The following GALNT13 variants were observed in gnomAD, a reference collection of about 807,000 sequenced individuals.
The protein encoded by GALNT13 is polypeptide N-acetylgalactosaminyltransferase 13.
Under a neutral mutation model 64.2 loss-of-function variants are expected in GALNT13, and 28 were observed. The observed-to-expected ratio is 0.44, with a 90% CI of 0.32 to 0.60. The LOEUF is 0.60. GALNT13 is among the 20% of genes least tolerant of loss of function. The pLI is 0.05. For missense variants in GALNT13, 577 were observed against 669.8 expected, an observed-to-expected ratio of 0.86 and a Z score of 1.53; for synonymous variants, 214 against 224.6, an observed-to-expected ratio of 0.95 and a Z score of 0.42.
the GALNT13 span, among the ~76,000 whole-genome samples, chr2:153,815,419 G>A: frequency 1.3e-5 from 2 of 152,170 alleles, no homozygotes; most frequent in Non-Finnish European, 2.9e-5. Context: ...TTTGGGGGAT[G>A]TAAACTCACT....
chr2:153,244,301 AC>A, the GALNT13 span, among the ~76,000 whole-genome samples: 1 of 152,016 alleles, frequency 6.6e-6, no homozygotes, highest in Admixed American at 6.6e-5. Flanking sequence ...AGTGTTTTAA[AC>A]CTTTGATATC....
the GALNT13 span, among the ~76,000 whole-genome samples, chr2:153,107,775 G>T: frequency 0.037 from 5,652 of 152,184 alleles, 199 homozygotes; most frequent in East Asian, 0.18. Flanking sequence ...ATGCGTGTGG[G>T]TGGAGAGAAA....
At chr2:153,589,252 A>G in the GALNT13 span, among the ~76,000 whole-genome samples, 1 of 152,224 alleles carries the variant, frequency 6.6e-6, no homozygotes, top group Non-Finnish European at 1.5e-5. Context: ...TCTCTTTGCT[A>G]AAACATGAAC....
chr2:154,215,490 C>T (rs888581), intron 4 of GALNT13, among the ~76,000 whole-genome samples: 3 of 151,860 alleles, frequency 2.0e-5, no homozygotes, highest in Admixed American at 2.0e-4. Context: ...CCCTCCACCA[C>T]ATTTGTCCAC....
chr2:153,088,035 C>G, the GALNT13 span, among the ~76,000 whole-genome samples: 4 of 151,390 alleles, frequency 2.6e-5, no homozygotes, highest in African/African-American at 9.7e-5. Flanking sequence ...TCTTGTTTCT[C>G]TAGTTTTTTG....
At chr2:153,130,229 C>G in the GALNT13 span, among the ~76,000 whole-genome samples, 1 of 152,152 alleles carries the variant, frequency 6.6e-6, no homozygotes, top group Non-Finnish European at 1.5e-5. Flanking sequence ...ATTCTTAACA[C>G]AGTAGCAGCC....
intron 4 of GALNT13, among the ~76,000 whole-genome samples, chr2:154,221,473 G>A (rs1449572425): frequency 6.6e-6 from 1 of 152,014 alleles, no homozygotes. Flanking sequence ...TTGGCTTGAG[G>A]TTGATTTTGT....
the GALNT13 span, among the ~76,000 whole-genome samples, chr2:153,847,107 A>C: frequency 1.3e-4 from 20 of 152,068 alleles, no homozygotes; most frequent in Admixed American, 2.6e-4. Context: ...TAATATAGAA[A>C]AAAGCAGATT....
the GALNT13 span, among the ~76,000 whole-genome samples, chr2:153,122,859 GA>G: frequency 2.0e-5 from 3 of 152,052 alleles, no homozygotes; most frequent in African/African-American, 7.2e-5. Context: ...CCATAGCTGT[GA>G]ATGTGACTTA....
intron 8 of GALNT13, among the ~76,000 whole-genome samples, chr2:154,295,377 T>TTTATTTATTTATTTAG (rs1692863699): frequency 6.6e-6 from 1 of 151,014 alleles, no homozygotes; most frequent in Non-Finnish European, 1.5e-5. Context: ...TATTTATTTA[T>TTTATTTATTTATTTAG]TTTTGCGATG....
At chr2:153,500,697 T>G in the GALNT13 span, among the ~76,000 whole-genome samples, 1 of 152,178 alleles carries the variant, frequency 6.6e-6, no homozygotes, top group Non-Finnish European at 1.5e-5. Flanking sequence ...TATAGCTGAT[T>G]ATAAACTATC....
chr2:154,443,667 T>A (rs1701418780), intron 12 of GALNT13, among the ~76,000 whole-genome samples: 2 of 152,094 alleles, frequency 1.3e-5, no homozygotes, highest in Admixed American at 1.3e-4. Context: ...TTAATGGCTC[T>A]TATTTTGTCA....
the GALNT13 span, among the ~76,000 whole-genome samples, chr2:153,653,654 A>G: frequency 6.6e-6 from 1 of 152,294 alleles, no homozygotes; most frequent in East Asian, 1.9e-4. Context: ...AAGGTATCAA[A>G]ACACCTAAAG....
chr2:153,309,484 C>T, the GALNT13 span, among the ~76,000 whole-genome samples: 20 of 151,848 alleles, frequency 1.3e-4, no homozygotes, highest in African/African-American at 4.3e-4. Context: ...CACCACTTCT[C>T]CCTAACTTTG....
At chr2:154,367,884 T>C (rs1697460451) in intron 9 of GALNT13, among the ~76,000 whole-genome samples, 1 of 152,154 alleles carries the variant, frequency 6.6e-6, no homozygotes, top group African/African-American at 2.4e-5. Context: ...ACATTTATCA[T>C]GGGAAATGGG....
At chr2:154,168,106 T>G (rs896248468) in intron 4 of GALNT13, among the ~76,000 whole-genome samples, 16 of 151,884 alleles carry the variant, frequency 1.1e-4, no homozygotes, top group African/African-American at 3.9e-4. Flanking sequence ...CCAGGCAGGG[T>G]GTGGTATGGA....
At chr2:154,214,623 T>C (rs1210999298) in intron 4 of GALNT13, among the ~76,000 whole-genome samples, 1 of 152,126 alleles carries the variant, frequency 6.6e-6, no homozygotes, top group Non-Finnish European at 1.5e-5. Flanking sequence ...TGAGATCTGA[T>C]GGTTTTATAA....
chr2:153,591,008 G>C, the GALNT13 span, among the ~76,000 whole-genome samples: 2 of 152,040 alleles, frequency 1.3e-5, no homozygotes, highest in East Asian at 3.9e-4. Flanking sequence ...ATCCAAATTG[G>C]AAAAGAGAAG....
chr2:154,052,183 A>G (rs970896397), intron 3 of GALNT13, among the ~76,000 whole-genome samples: 2 of 152,184 alleles, frequency 1.3e-5, no homozygotes, highest in Admixed American at 6.5e-5. Context: ...GCTTGTGGCT[A>G]ATATCATCAG....
Sources: allele counts gnomAD v4.1 joint callset (sites outside exome capture counted in the v4.1 genomes callset), GRCh38; gene constraint gnomAD v4.1.1; transcripts MANE v1.5; gene names NCBI Gene and HGNC (gene_info 2026-07-23, HGNC 2026-07-21).